Variants in DIAPH2 observed in about 807,000 individuals in gnomAD.
DIAPH2 encodes diaphanous related formin 2.
A neutral mutation model predicts 92.7 loss-of-function variants in DIAPH2; 35 were observed. That is an observed-to-expected ratio of 0.38 (90% CI 0.29 to 0.50). DIAPH2 has a LOEUF of 0.50. Ranked by LOEUF, DIAPH2 falls within the 20% of genes least tolerant of loss-of-function variation. The pLI is 0.94. For synonymous variants in DIAPH2, 301 were observed against 280.4 expected (o/e 1.07, Z -0.73); for missense variants, 701 against 819.5 (o/e 0.86, Z 1.77).
At chrX:96,707,142 A>G (rs1315406856) in intron 1 of DIAPH2, among the ~76,000 whole-genome samples, 1 of 108,116 alleles carries the variant, frequency 9.2e-6, no homozygotes, top group African/African-American at 3.4e-5. Context: ...CTACTTTTTG[A>G]TTGATTGATT....
At chrX:96,849,966 T>C (rs896493572) in intron 4 of DIAPH2, among the ~76,000 whole-genome samples, 5 of 111,280 alleles carry the variant, frequency 4.5e-5, no homozygotes, top group African/African-American at 6.5e-5. Context: ...AGACTTTTTT[T>C]TTTTAATTTG....
At chrX:97,367,390 G>T (rs2069390742) in intron 24 of DIAPH2, among the ~76,000 whole-genome samples, 1 of 111,848 alleles carries the variant, frequency 8.9e-6, no homozygotes, top group Admixed American at 9.5e-5. Context: ...TTGCTTCCCA[G>T]AATGCAATCA....
At chrX:97,222,960 C>T (rs948165811) in intron 22 of DIAPH2, among the ~76,000 whole-genome samples, 9 of 110,658 alleles carry the variant, frequency 8.1e-5, no homozygotes, top group Non-Finnish European at 1.1e-4. Flanking sequence ...TAGCTGGGAC[C>T]ATAGACCTGT....
chrX:96,698,756 C>A (rs2063838633), intron 1 of DIAPH2, among the ~76,000 whole-genome samples: 3 of 98,665 alleles, frequency 3.0e-5, no homozygotes, highest in Non-Finnish European at 6.0e-5. Flanking sequence ...GAGATGAGGT[C>A]TTGCTCTGTT....
chrX:97,554,324 T>A (rs1399026154), intron 26 of DIAPH2, among the ~76,000 whole-genome samples: 1 of 112,329 alleles, frequency 8.9e-6, no homozygotes, highest in Non-Finnish European at 1.9e-5. Flanking sequence ...GCTTGAGCAA[T>A]CTCTTGATAC....
At chrX:97,543,126 C>T (rs2147858115) in intron 26 of DIAPH2, among the ~76,000 whole-genome samples, 1 of 112,564 alleles carries the variant, frequency 8.9e-6, no homozygotes, top group African/African-American at 3.2e-5. Flanking sequence ...AACTGCAGCC[C>T]ATTGGTCCAG....
intron 4 of DIAPH2, among the ~76,000 whole-genome samples, chrX:96,775,353 T>TTGTGTGTGGGTG (rs1556146393): frequency 1.1e-5 from 1 of 89,364 alleles, no homozygotes; most frequent in African/African-American, 4.0e-5. Flanking sequence ...CAACGTGTGC[T>TTGTGTGTGGGTG]TGTGTGTGTG....
At chrX:97,389,554 C>G (rs2069636497) in intron 25 of DIAPH2, among the ~76,000 whole-genome samples, 1 of 110,267 alleles carries the variant, frequency 9.1e-6, no homozygotes, top group South Asian at 3.9e-4. Context: ...CTACGCTCCT[C>G]CAAGTGTTTA....
intron 3 of DIAPH2, among the ~76,000 whole-genome samples, chrX:96,748,799 C>G (rs2064166474): frequency 9.0e-6 from 1 of 111,159 alleles, no homozygotes; most frequent in African/African-American, 3.3e-5. Context: ...AGGTACTATC[C>G]CTGCCACAAG....
chrX:96,738,645 A>C lies in DIAPH2; in HGVS notation c.225A>C (p.Gln75His). 8.3e-7 allele frequency: 1 copy of C among 1,206,980 alleles called. No homozygotes were observed. The highest frequency in any genetic ancestry group is 1.1e-6 in the Non-Finnish European group (1 of 892,734). The change falls in exon 3 of 27, where the codon CAA becomes CAC. Residue 75 changes from glutamine to histidine, a missense_variant. By Grantham distance (24) the Gln-to-His change is conservative (BLOSUM62 0). This residue lies in a region of DIAPH2 where 131 missense variants were observed against 145.6 expected (regional missense o/e 0.90). Transcript: ENST00000324765. ...TCAAAAAAGAAAAACCTCTTATTCAACATCCTATTGATTCTCAAGTCGCGA... is the reference window on the plus strand; with the variant it reads ...TCAAAAAAGAAAAACCTCTTATTCACCATCCTATTGATTCTCAAGTCGCGA... ...STVKKEKPLI[Q>H]HPIDSQVAMS...
chrX:97,363,503 A>C (rs1176011190), intron 24 of DIAPH2, among the ~76,000 whole-genome samples: 1 of 89,817 alleles, frequency 1.1e-5, no homozygotes, highest in Non-Finnish European at 2.2e-5. Context: ...CTAAAAATAC[A>C]AAAAAAAAAA....
chrX:96,703,523 TC>T (rs769148439), intron 1 of DIAPH2, among the ~76,000 whole-genome samples: 2 of 111,520 alleles, frequency 1.8e-5, no homozygotes, highest in South Asian at 7.6e-4. Context: ...GATCTGTGCC[TC>T]TAAGTCTAAA....
chrX:97,148,232 T>G lies in DIAPH2; in HGVS notation c.2719+6438T>G, dbSNP rs759663907. On this transcript the variant is annotated intron_variant, in intron 22 of 26. Coordinates refer to ENST00000324765, the MANE Select transcript of DIAPH2 (RefSeq NM_006729.5). ...CTTGTTTAGAGTTATTACATATATT[T>G]CATCCACATTTTTACCTCCTTTGTG... 1.7e-4 allele frequency among the ~76,000 whole-genome samples: 19 copies of G among 111,925 alleles called. No individual in the cohort carries two copies. The South Asian group carries it at 3.8e-3, about 22-fold the overall frequency.
At chrX:97,318,634 C>T (rs535418808) in intron 23 of DIAPH2, among the ~76,000 whole-genome samples, 5 of 106,672 alleles carry the variant, frequency 4.7e-5, no homozygotes, top group African/African-American at 1.7e-4. Flanking sequence ...TACAGGCACC[C>T]GCCACCATGC....
intron 17 of DIAPH2, among the ~76,000 whole-genome samples, chrX:97,034,505 TA>T (rs201307093): frequency 1.5e-3 from 152 of 98,627 alleles, no homozygotes; most frequent in African/African-American, 1.5e-3. Context: ...GAACTCATTC[TA>T]AAAAAAAAAA....
At chrX:97,321,921 G>C (rs1405624658) in intron 23 of DIAPH2, among the ~76,000 whole-genome samples, 1 of 112,005 alleles carries the variant, frequency 8.9e-6, no homozygotes, top group Non-Finnish European at 1.9e-5. Context: ...AATCATCTTA[G>C]AAACTGTTTT....
intron 24 of DIAPH2, among the ~76,000 whole-genome samples, chrX:97,365,222 A>C (rs760370725): frequency 9.0e-6 from 1 of 111,370 alleles, no homozygotes; most frequent in East Asian, 2.8e-4. Flanking sequence ...AAAGAAAAAA[A>C]AATCTTACTT....
In DIAPH2 at chrX:96,711,672, G is replaced by A. The variant is rs138243443; in HGVS notation, c.133-24086G>A. 4.5e-5 allele frequency among the ~76,000 whole-genome samples: 5 copies of A among 111,470 alleles called. No homozygotes were observed. In the East Asian group the frequency reaches 1.4e-3, roughly 31 times the overall value. On this transcript the variant is annotated intron_variant, in intron 1 of 26. Transcript: ENST00000324765. ...TGGTACAAAATGATTGAATGCCTAT[G>A]TGTTATCCTGGCTGTATAGTGAATC...
At chrX:96,807,944 C>CAAAAAAAAAAAAAAAAAAAAAAAAAA (rs541681495) in intron 4 of DIAPH2, among the ~76,000 whole-genome samples, 2 of 14,490 alleles carry the variant, frequency 1.4e-4, no homozygotes, top group Non-Finnish European at 2.4e-4. Context: ...GTAGAAATAG[C>CAAAAAAAAAAAAAAAAAAAAAAAAAA]AAAAAAAAAA....
Sources: gnomAD v4.1 joint callset for allele counts (sites outside exome capture counted in the v4.1 genomes callset) on GRCh38, gnomAD v4.1.1 for gene constraint, gnomAD v4.1.1 regional missense constraint, MANE v1.5 for transcripts, NCBI Gene and HGNC (gene_info 2026-07-23, HGNC 2026-07-21) for gene names.